The following KDM4C variants were observed in gnomAD, a reference collection of about 807,000 sequenced individuals.
The protein encoded by KDM4C is lysine-specific demethylase 4C.
Under a neutral mutation model 129.3 loss-of-function variants are expected in KDM4C, and 81 were observed. That is an observed-to-expected ratio of 0.63 (90% CI 0.52 to 0.75). The LOEUF (loss-of-function observed/expected upper bound fraction) is 0.75, where lower values mean the gene tolerates loss of function less well. KDM4C is among the 30% of genes least tolerant of loss of function. KDM4C has a pLI of 0.00. For missense variants in KDM4C, 1,457 were observed against 1,304.0 expected (o/e 1.12, Z -1.81); for synonymous variants, 573 against 456.1 (o/e 1.26, Z -3.26).
chr9:7,086,795 C>A (rs1280337698), intron 17 of KDM4C, among the ~76,000 whole-genome samples: 1 of 152,214 alleles, frequency 6.6e-6, no homozygotes, highest in South Asian at 2.1e-4. Context: ...AAGGACAGTT[C>A]TTTTCTATAT....
chr9:7,059,246 C>T (rs952997170), intron 17 of KDM4C, among the ~76,000 whole-genome samples: 7 of 152,104 alleles, frequency 4.6e-5, no homozygotes, highest in African/African-American at 1.7e-4. Context: ...ATCTCCTGGG[C>T]TTAAGCGATC....
At chr9:6,977,426 A>T (rs1211144642) in intron 8 of KDM4C, among the ~76,000 whole-genome samples, 4 of 152,212 alleles carry the variant, frequency 2.6e-5, no homozygotes, top group African/African-American at 7.2e-5. Flanking sequence ...TTATTCTTCA[A>T]TCCTGAGATT....
chr9:6,808,596 C>T (rs371800060), intron 3 of KDM4C, among the ~76,000 whole-genome samples: 2 of 147,574 alleles, frequency 1.4e-5, no homozygotes, highest in South Asian at 2.2e-4. Context: ...AACCAGAGAC[C>T]TTTGTTCACT....
rs375170343 is a variant in KDM4C, at chr9:7,136,858, CAT to C, written c.2781+8623_2781+8624del. On this transcript the variant is annotated intron_variant, in intron 19 of 21. Coordinates refer to ENST00000381309, the MANE Select transcript of KDM4C (RefSeq NM_015061.6). ...ATTTGTCAACTTTTTCTTAATGGATCATGTGCTTTAAAATTTGAGTTCATGAA... is the reference window on the plus strand; with the variant it reads ...ATTTGTCAACTTTTTCTTAATGGATCGTGCTTTAAAATTTGAGTTCATGAA... Among the ~76,000 whole-genome samples, 26 of 152,292 alleles carry C rather than the reference CAT, an allele frequency of 1.7e-4. 1 individual carries two copies. The South Asian group carries it at 5.4e-3, about 32-fold the overall frequency.
At chr9:6,903,217 T>G (rs1214560255) in intron 8 of KDM4C, among the ~76,000 whole-genome samples, 1 of 152,268 alleles carries the variant, frequency 6.6e-6, no homozygotes, top group East Asian at 1.9e-4. Flanking sequence ...GGAATGCATA[T>G]TCAGGGTTGT....
intron 15 of KDM4C, among the ~76,000 whole-genome samples, chr9:7,032,977 G>A (rs931998467): frequency 1.3e-5 from 2 of 152,022 alleles, no homozygotes; most frequent in Non-Finnish European, 2.9e-5. Flanking sequence ...ACTGGATAAC[G>A]TCTTGAATTC....
In KDM4C at chr9:6,927,580, C is replaced by T. The variant is rs181024223; in HGVS notation, c.921+34348C>T. Among the ~76,000 whole-genome samples, 114 of 152,268 alleles carry T rather than the reference C, an allele frequency of 7.5e-4. 2 individuals are homozygous for T. The highest frequency in any genetic ancestry group is 2.6e-3 in the African/African-American group (110 of 41,544). On this transcript the variant is annotated intron_variant, in intron 8 of 21. Coordinates refer to ENST00000381309, the MANE Select transcript of KDM4C (RefSeq NM_015061.6). Reference sequence around the variant, plus strand: ...GTAGGACTTGCTCCCCAAAAGAAGACCCTTTCCTTTGAGGAGATCATCCCT... The same window carrying T: ...GTAGGACTTGCTCCCCAAAAGAAGATCCTTTCCTTTGAGGAGATCATCCCT...
At chr9:7,006,243 A>T (rs1264546920) in intron 12 of KDM4C, among the ~76,000 whole-genome samples, 1 of 152,156 alleles carries the variant, frequency 6.6e-6, no homozygotes, top group Non-Finnish European at 1.5e-5. Context: ...AGCAAGCCTG[A>T]CTTTCTTATT....
At chr9:7,085,102 G>T (rs1323913439) in intron 17 of KDM4C, among the ~76,000 whole-genome samples, 1 of 152,188 alleles carries the variant, frequency 6.6e-6, no homozygotes, top group African/African-American at 2.4e-5. Flanking sequence ...GGACCCTGAG[G>T]TGGAAAGGCA....
At chr9:6,835,013 A>G (rs1588592986) in intron 4 of KDM4C, 9 of 948,104 alleles carry the variant, frequency 9.5e-6, no homozygotes, top group Non-Finnish European at 1.4e-5. Flanking sequence ...GGACCTGACT[A>G]CCTCATGAAG....
intron 8 of KDM4C, among the ~76,000 whole-genome samples, chr9:6,940,938 T>G (rs1304492087): frequency 1.3e-5 from 2 of 152,216 alleles, no homozygotes; most frequent in African/African-American, 2.4e-5. Flanking sequence ...TGGGTGAGCT[T>G]TGTGTAATAT....
chr9:7,070,378 C>G (rs916592004), intron 17 of KDM4C, among the ~76,000 whole-genome samples: 1 of 152,068 alleles, frequency 6.6e-6, no homozygotes, highest in Non-Finnish European at 1.5e-5. Context: ...GGAACACCTC[C>G]CAATTCATTG....
chr9:6,833,107 A>G (rs1055009089), intron 4 of KDM4C, among the ~76,000 whole-genome samples: 1 of 152,014 alleles, frequency 6.6e-6, no homozygotes, highest in Non-Finnish European at 1.5e-5. Context: ...TGAGCATGGG[A>G]TATGGCTGTT....
intron 8 of KDM4C, among the ~76,000 whole-genome samples, chr9:6,971,901 G>A (rs1001955972): frequency 6.6e-6 from 1 of 152,066 alleles, no homozygotes; most frequent in Non-Finnish European, 1.5e-5. Context: ...TAACATTGCT[G>A]GCATTACTCT....
rs554620972 is a variant in KDM4C, at chr9:7,115,574, A to C, written c.2610+11704A>C. 2.0e-5 allele frequency among the ~76,000 whole-genome samples: 3 copies of C among 152,342 alleles called. No individual in the cohort carries two copies. In the South Asian group the frequency reaches 6.2e-4, roughly 32 times the overall value. On this transcript the variant is annotated intron_variant, in intron 18 of 21. Coordinates refer to ENST00000381309, the MANE Select transcript of KDM4C (RefSeq NM_015061.6). ...GTAGAAAACAGTAATTAGATGCCAT[A>C]GCCGTAATGAAAACCTTAGATACTG...
rs1016389413 is a variant in KDM4C, at chr9:7,049,297, C to T, written c.2424+97C>T. 4 of 545,408 alleles carry T rather than the reference C, an allele frequency of 7.3e-6. No homozygotes were observed. In the Admixed American group the frequency reaches 1.2e-4, roughly 16 times the overall value. 33.8% of individuals were successfully genotyped at this position (545,408 alleles called of 1,614,324 possible). ...CACACATTCCCAAGGTATATTTTCT[C>T]CTAGCTTTCTTTTATTTTTCTACCC... On this transcript the variant is annotated intron_variant, in intron 17 of 21. Transcript: ENST00000381309.
intron 15 of KDM4C, among the ~76,000 whole-genome samples, chr9:7,044,313 G>A (rs1489383452): frequency 6.6e-6 from 1 of 151,980 alleles, no homozygotes; most frequent in African/African-American, 2.4e-5. Flanking sequence ...AGGTCCTTGA[G>A]GTGTCTAAAC....
At chr9:6,955,442 C>T (rs1410107238) in intron 8 of KDM4C, among the ~76,000 whole-genome samples, 1 of 152,198 alleles carries the variant, frequency 6.6e-6, no homozygotes, top group Admixed American at 6.5e-5. Flanking sequence ...TCAGGCCCTG[C>T]AGAGCTGAGT....
At chr9:6,904,576 G>T (rs1201364178) in intron 8 of KDM4C, among the ~76,000 whole-genome samples, 1 of 152,078 alleles carries the variant, frequency 6.6e-6, no homozygotes, top group Non-Finnish European at 1.5e-5. Context: ...CTTGGTGCAC[G>T]GGTCCAGTCT....
Sources: allele counts gnomAD v4.1 joint callset (sites outside exome capture counted in the v4.1 genomes callset), GRCh38; gene constraint gnomAD v4.1.1; transcripts MANE v1.5; gene names NCBI Gene and HGNC (gene_info 2026-07-23, HGNC 2026-07-21).